Variants in RYR2 observed in about 807,000 individuals in gnomAD.
RYR2 encodes the protein ryanodine receptor 2.
A neutral mutation model predicts 601.1 loss-of-function variants in RYR2; 227 were observed. The observed-to-expected ratio is 0.38, with a 90% CI of 0.34 to 0.42. The LOEUF is 0.42. Ranked by LOEUF, RYR2 falls within the 10% of genes least tolerant of loss-of-function variation. The pLI, the probability that RYR2 is intolerant of heterozygous loss-of-function variation, is 1.00. For synonymous variants in RYR2, 2,223 were observed against 2,175.1 expected, an observed-to-expected ratio of 1.02 and a Z score of -0.61; for missense variants, 4,646 against 6,156.5, an observed-to-expected ratio of 0.75 and a Z score of 8.21.
intron 12 of RYR2, among the ~76,000 whole-genome samples, chr1:237,436,150 T>C (rs1707328954): frequency 6.6e-6 from 1 of 152,190 alleles, no homozygotes; most frequent in Non-Finnish European, 1.5e-5. Flanking sequence ...TTACTCATAG[T>C]CAATTGATAA....
At chr1:237,430,147 TATATAAC>T (rs1467364219) in intron 12 of RYR2, among the ~76,000 whole-genome samples, 2 of 150,176 alleles carry the variant, frequency 1.3e-5, no homozygotes, top group Admixed American at 6.7e-5. Context: ...ATATGACATC[TATATAAC>T]ATATAACATA....
intron 45 of RYR2, 45 bp from the exon 46 acceptor site, chr1:237,638,970 C>A: frequency 6.3e-7 from 1 of 1,591,626 alleles, no homozygotes; most frequent in Non-Finnish European, 8.6e-7. Flanking sequence ...TTCAGAACTT[C>A]CATATAATCA....
chr1:237,098,249 C>T (rs1362314311), intron 1 of RYR2, among the ~76,000 whole-genome samples: 2 of 152,180 alleles, frequency 1.3e-5, no homozygotes, highest in East Asian at 1.9e-4. Context: ...TCTTCTCCAG[C>T]TTTATTGAGG....
intron 27 of RYR2, among the ~76,000 whole-genome samples, chr1:237,553,420 G>T (rs188786154): frequency 3.3e-5 from 5 of 152,032 alleles, no homozygotes; most frequent in Admixed American, 2.6e-4. Context: ...CTGTTCCATT[G>T]ATCTTTATGT....
chr1:237,328,815 A>G (rs868661248), intron 2 of RYR2, among the ~76,000 whole-genome samples: 14 of 152,344 alleles, frequency 9.2e-5, no homozygotes, highest in Middle Eastern at 3.4e-3. Context: ...TCAATTTAAT[A>G]AAAACTTAAA....
intron 1 of RYR2, among the ~76,000 whole-genome samples, chr1:237,181,344 G>A (rs9730301): frequency 0.19 from 28,978 of 151,858 alleles, 4,710 homozygotes; most frequent in African/African-American, 0.44. Context: ...GACAGGTTCC[G>A]ACGATTATTC....
intron 1 of RYR2, among the ~76,000 whole-genome samples, chr1:237,092,570 C>A (rs1667090041): frequency 6.7e-6 from 1 of 148,486 alleles, no homozygotes; most frequent in Non-Finnish European, 1.5e-5. Flanking sequence ...CTCTCTGTTG[C>A]CCAGGCTGGA....
intron 2 of RYR2, among the ~76,000 whole-genome samples, chr1:237,274,428 A>G (rs949110385): frequency 1.3e-5 from 2 of 152,076 alleles, no homozygotes; most frequent in Non-Finnish European, 1.5e-5. Flanking sequence ...AAATTAAAAA[A>G]TAGGAAAGAG....
intron 3 of RYR2, among the ~76,000 whole-genome samples, chr1:237,355,421 A>T (rs1228825147): frequency 6.6e-6 from 1 of 152,168 alleles, no homozygotes; most frequent in South Asian, 2.1e-4. Flanking sequence ...TTCACTTATA[A>T]ATACAACTTT....
At chr1:237,653,816 C>T (rs1682985021) in intron 51 of RYR2, among the ~76,000 whole-genome samples, 1 of 152,160 alleles carries the variant, frequency 6.6e-6, no homozygotes, top group African/African-American at 2.4e-5. Context: ...ATCCAAGAGT[C>T]CAGAAGCTGA....
chr1:237,275,960 A>G (rs1462331163), intron 2 of RYR2, among the ~76,000 whole-genome samples: 1 of 152,222 alleles, frequency 6.6e-6, no homozygotes, highest in Non-Finnish European at 1.5e-5. Context: ...TATTAATTAA[A>G]TCTTGGGTCA....
At chr1:237,108,331 C>CG (rs1668990683) in intron 1 of RYR2, among the ~76,000 whole-genome samples, 1 of 152,106 alleles carries the variant, frequency 6.6e-6, no homozygotes, top group Non-Finnish European at 1.5e-5. Context: ...TGAATTGAGA[C>CG]AAAAACAATG....
At chr1:237,123,949 A>G (rs960307265) in intron 1 of RYR2, among the ~76,000 whole-genome samples, 9 of 152,204 alleles carry the variant, frequency 5.9e-5, no homozygotes, top group African/African-American at 9.7e-5. Context: ...TTTTAAAGCA[A>G]TGCTCTGGCA....
chr1:237,476,949 A>G (rs953889210), intron 17 of RYR2, among the ~76,000 whole-genome samples: 1 of 152,174 alleles, frequency 6.6e-6, no homozygotes, highest in East Asian at 1.9e-4. Flanking sequence ...CTCATTCACT[A>G]CTTTTTTCTG....
chr1:237,332,948 C>G (rs1290343293), intron 3 of RYR2, among the ~76,000 whole-genome samples: 1 of 152,088 alleles, frequency 6.6e-6, no homozygotes, highest in Non-Finnish European at 1.5e-5. Context: ...TCTGGAATAT[C>G]TAGGATTACA....
chr1:237,361,973 C>G (rs1161611988), intron 4 of RYR2, among the ~76,000 whole-genome samples: 8 of 152,172 alleles, frequency 5.3e-5, no homozygotes, highest in African/African-American at 1.7e-4. Flanking sequence ...CTCATGCTTA[C>G]AGACGAAAGA....
chr1:237,206,747 T>G (rs1226874529), intron 1 of RYR2, among the ~76,000 whole-genome samples: 1 of 152,214 alleles, frequency 6.6e-6, no homozygotes, highest in South Asian at 2.1e-4. Flanking sequence ...CAAATTAGTT[T>G]GTTTATTCAG....
intron 13 of RYR2, 136 bp downstream of exon 13, chr1:237,441,619 C>A: frequency 1.5e-6 from 1 of 660,454 alleles, no homozygotes; most frequent in Non-Finnish European, 2.4e-6. Flanking sequence ...GCAGATTCCA[C>A]TGTAATAGAC....
At chr1:237,734,295 G>A (rs963972374) in intron 79 of RYR2, among the ~76,000 whole-genome samples, 10 of 151,732 alleles carry the variant, frequency 6.6e-5, no homozygotes, top group African/African-American at 2.2e-4. Flanking sequence ...ATGGCGGCAA[G>A]AGAGAGAGAG....
Sources: gnomAD v4.1 joint callset for allele counts (sites outside exome capture counted in the v4.1 genomes callset) on GRCh38, gnomAD v4.1.1 for gene constraint, MANE v1.5 for transcripts, NCBI Gene and HGNC (gene_info 2026-07-23, HGNC 2026-07-21) for gene names.